RRH: variants seen among roughly 807,000 people sequenced by gnomAD.
RRH encodes the protein visual pigment-like receptor peropsin.
A neutral mutation model predicts 33.1 loss-of-function variants in RRH; 36 were observed. That is an observed-to-expected ratio of 1.09 (90% CI 0.83 to 1.44). RRH has a LOEUF of 1.44. Ranked by LOEUF, RRH falls within the 40% of genes most tolerant of loss-of-function variation. The pLI, the probability that RRH is intolerant of heterozygous loss-of-function variation, is 0.00. For missense variants in RRH, 393 were observed against 420.2 expected (o/e 0.94, Z 0.57); for synonymous variants, 124 against 140.2 (o/e 0.88, Z 0.82).
chr4:109,836,274 T>A, intron 4 of RRH, 114 bp downstream of exon 4: 2 of 1,055,826 alleles, frequency 1.9e-6, no homozygotes, highest in Non-Finnish European at 2.9e-6. Context: ...GCGAAGCACT[T>A]CCCTGGTAGT....
chr4:109,839,546 G>A (rs932591016), intron 5 of RRH, among the ~76,000 whole-genome samples: 2 of 150,766 alleles, frequency 1.3e-5, no homozygotes, highest in Non-Finnish European at 3.0e-5. Context: ...GTGGTTTGCT[G>A]CACAGACTAT....
At chr4:109,828,508 G>A (rs893298427) in intron 1 of RRH, among the ~76,000 whole-genome samples, 1 of 151,938 alleles carries the variant, frequency 6.6e-6, no homozygotes, top group African/African-American at 2.4e-5. Flanking sequence ...TATTGGAGAA[G>A]AGTATGCACC....
At chr4:109,835,499 C>T in intron 3 of RRH, 34 bp downstream of exon 3, 3 of 1,425,844 alleles carry the variant, frequency 2.1e-6, no homozygotes, top group Non-Finnish European at 3.0e-6. Flanking sequence ...TTAATGAATC[C>T]ATTTCTTGAC....
rs771791931 is a variant in RRH, at chr4:109,842,477, GA to G, written c.730del (p.Ile244SerfsTer2). 254 of 1,613,898 alleles carry G rather than the reference GA, an allele frequency of 1.6e-4. 1 individual carries two copies. In the Middle Eastern group the frequency reaches 2.0e-3, roughly 13 times the overall value. ...DQIDVTKMSV[I>X]MICMFLVAWS... ...TATTTATTTCTTTTCAGATGTCTGT[GA>G]TCATGATCTGCATGTTTCTGGTGGC... On this transcript the variant is annotated frameshift_variant, in exon 6 of 7. Transcript: ENST00000317735. LOFTEE classifies it high-confidence loss of function.
intron 5 of RRH, among the ~76,000 whole-genome samples, chr4:109,837,815 G>A (rs753465453): frequency 6.5e-4 from 92 of 140,590 alleles, no homozygotes; most frequent in South Asian, 4.8e-4. Flanking sequence ...CACTCTTATC[G>A]TCCAGGCTGG....
chr4:109,842,624 C>T lies in RRH; in HGVS notation c.876C>T (p.Cys292=). The part of the protein sequence containing the change: ...FAKSSTFYNP[C]IYVVANKKFR... Reference sequence around the variant, plus strand: ...AATCTTCTACATTCTATAACCCCTGCATTTATGTGGTTGCTAATAAAAAGT... The same window carrying T: ...AATCTTCTACATTCTATAACCCCTGTATTTATGTGGTTGCTAATAAAAAGT... The change falls in exon 6 of 7, where the codon TGC becomes TGT. Residue 292 remains cysteine, a synonymous_variant. Transcript: ENST00000317735. 1 of 1,613,742 alleles carries T rather than the reference C, an allele frequency of 6.2e-7. No homozygotes were observed. The highest frequency in any genetic ancestry group is 8.5e-7 in the Non-Finnish European group (1 of 1,179,688).
At chr4:109,842,746 T>C in intron 6 of RRH, 99 bp downstream of exon 6, 1 of 1,055,124 alleles carries the variant, frequency 9.5e-7, no homozygotes, top group Non-Finnish European at 1.4e-6. Flanking sequence ...CACTTCAATC[T>C]AGCATAAAGG....
chr4:109,833,860 A>G (rs999246578), intron 2 of RRH, among the ~76,000 whole-genome samples: 1 of 152,200 alleles, frequency 6.6e-6, no homozygotes, highest in African/African-American at 2.4e-5. Context: ...GCAGTTTACT[A>G]TCATAACCTA....
At chr4:109,828,465 C>G (rs768223239) in intron 1 of RRH, among the ~76,000 whole-genome samples, 3 of 151,966 alleles carry the variant, frequency 2.0e-5, no homozygotes, top group African/African-American at 7.2e-5. Flanking sequence ...TCATAAAAAT[C>G]TATGTATTTG....
chr4:109,842,373 C>A, intron 5 of RRH, 96 bp from the exon 6 acceptor site: 1 of 1,160,430 alleles, frequency 8.6e-7, no homozygotes, highest in Non-Finnish European at 1.2e-6. Context: ...TAAACATATT[C>A]AAATTCCAAC....
intron 1 of RRH, among the ~76,000 whole-genome samples, chr4:109,830,158 A>G (rs1393197472): frequency 6.6e-6 from 1 of 152,144 alleles, no homozygotes; most frequent in African/African-American, 2.4e-5. Context: ...CCCTTTCCCC[A>G]GTTAAGGCTG....
chr4:109,832,094 A>G (rs1733767891), intron 1 of RRH, among the ~76,000 whole-genome samples: 1 of 150,824 alleles, frequency 6.6e-6, no homozygotes, highest in Non-Finnish European at 1.5e-5. Context: ...TGCTTGTTGC[A>G]CAACCCTCCT....
intron 1 of RRH, among the ~76,000 whole-genome samples, chr4:109,830,261 G>A (rs1057450552): frequency 6.6e-6 from 1 of 152,108 alleles, no homozygotes; most frequent in Non-Finnish European, 1.5e-5. Flanking sequence ...AAAGATGGCT[G>A]AGTACCAGAC....
chr4:109,833,344 T>C lies in RRH; in HGVS notation c.297+15T>C, dbSNP rs758551832. 10 of 1,603,436 alleles carry C rather than the reference T, an allele frequency of 6.2e-6. No homozygotes were observed. The highest frequency in any genetic ancestry group is 1.1e-5 in the South Asian group (1 of 90,718). ...CAGGCTGTCAGGTATTGGAGATCAT[T>C]GGAATGAAAGCAAAATAAATAGATC... On this transcript the variant is annotated intron_variant, in intron 2 of 6. Transcript: ENST00000317735.
chr4:109,833,602 A>G (rs1365410084), intron 2 of RRH, among the ~76,000 whole-genome samples: 2 of 152,226 alleles, frequency 1.3e-5, no homozygotes, highest in Non-Finnish European at 2.9e-5. Flanking sequence ...GCTGATTTGC[A>G]TATTCAAATA....
At chr4:109,838,398 G>A (rs1021047361) in intron 5 of RRH, among the ~76,000 whole-genome samples, 1 of 152,108 alleles carries the variant, frequency 6.6e-6, no homozygotes, top group African/African-American at 2.4e-5. Flanking sequence ...TGCTCCTGAG[G>A]ACCACTGCTC....
chr4:109,829,722 A>G (rs1171557782), intron 1 of RRH, among the ~76,000 whole-genome samples: 1 of 152,100 alleles, frequency 6.6e-6, no homozygotes, highest in African/African-American at 2.4e-5. Context: ...ACATTTACTA[A>G]GCAGCTACAC....
At chr4:109,832,618 G>T (rs767166854) in intron 1 of RRH, among the ~76,000 whole-genome samples, 65 of 151,386 alleles carry the variant, frequency 4.3e-4, no homozygotes, top group Non-Finnish European at 2.5e-4. Flanking sequence ...CTTAGTAAAC[G>T]ACAATGAGTT....
chr4:109,840,446 T>G (rs1560585944), intron 5 of RRH, among the ~76,000 whole-genome samples: 1 of 152,206 alleles, frequency 6.6e-6, no homozygotes, highest in African/African-American at 2.4e-5. Flanking sequence ...TAGTTTCTTT[T>G]GCTGTGTAGA....
Sources: allele counts gnomAD v4.1 joint callset (sites outside exome capture counted in the v4.1 genomes callset), GRCh38; gene constraint gnomAD v4.1.1; transcripts MANE v1.5; gene names NCBI Gene and HGNC (gene_info 2026-07-23, HGNC 2026-07-21).